NCOR2: variants seen among roughly 807,000 people sequenced by gnomAD.
NCOR2 encodes nuclear receptor corepressor 2.
In NCOR2, 81 loss-of-function variants were observed where a neutral mutation model predicts 262.9. The ratio of observed to expected loss-of-function variants is 0.31; its 90% confidence interval spans 0.26 to 0.37. NCOR2 has a LOEUF of 0.37. NCOR2 is among the 10% of genes least tolerant of loss of function. The pLI, the probability that NCOR2 is intolerant of heterozygous loss-of-function variation, is 1.00. For missense variants in NCOR2, 3,385 were observed against 3,621.4 expected (o/e 0.93, Z 1.68); for synonymous variants, 1,659 against 1,559.3 (o/e 1.06, Z -1.51).
chr12:124,360,691 G>A (rs139082280), intron 22 of NCOR2, among the ~76,000 whole-genome samples: 189 of 138,324 alleles, frequency 1.4e-3, no homozygotes, highest in African/African-American at 2.8e-3. Flanking sequence ...CACCCCCGGC[G>A]ACTCCTCACA....
rs555934585 is a variant in NCOR2, at chr12:124,334,034, G to T, written c.6605+390C>A. ...TGTGTGGGTGTGCATGTGTGGAAAGGCTGCTCTCTAATCATACAGCCCTGG... is the reference window on the plus strand; with the variant it reads ...TGTGTGGGTGTGCATGTGTGGAAAGTCTGCTCTCTAATCATACAGCCCTGG... On this transcript the variant is annotated intron_variant, in intron 41 of 46. Transcript: ENST00000405201. 3.3e-5 allele frequency among the ~76,000 whole-genome samples: 5 copies of T among 152,294 alleles called. No individual in the cohort carries two copies. In the South Asian group the frequency reaches 8.3e-4, roughly 25 times the overall value.
At chr12:124,429,220 CTGG>C (rs1182752115) in intron 10 of NCOR2, among the ~76,000 whole-genome samples, 1 of 152,270 alleles carries the variant, frequency 6.6e-6, no homozygotes, top group Non-Finnish European at 1.5e-5. Flanking sequence ...AAGGCTGACC[CTGG>C]AACCCACAGG....
exon 9 of NCOR2, chr12:124,430,757 G>A: frequency 6.2e-7 from 1 of 1,613,520 alleles, no homozygotes; most frequent in Non-Finnish European, 8.5e-7. Context: ...GCCTCCATGA[G>A]CTGGTCATAG....
At chr12:124,514,237 C>G (rs779103003) in intron 1 of NCOR2, 2 of 152,212 alleles carry the variant, frequency 1.3e-5, no homozygotes, top group Non-Finnish European at 1.5e-5. Context: ...GGAGAAGCCA[C>G]CATCTATGAA....
intron 32 of NCOR2, among the ~76,000 whole-genome samples, chr12:124,344,160 G>A (rs2036714344): frequency 6.6e-6 from 1 of 152,218 alleles, no homozygotes; most frequent in South Asian, 2.1e-4. Context: ...CAAAGAGAAA[G>A]AGGGCCCAGG....
chr12:124,517,605 C>G lies in NCOR2; in HGVS notation c.-118+17960G>C, dbSNP rs923228489. Among the ~76,000 whole-genome samples, 8 of 152,178 alleles carry G rather than the reference C, an allele frequency of 5.3e-5. No homozygotes were observed. Among genetic ancestry groups the G allele is most frequent in the Admixed American group, 3.3e-4 (5 of 15,288 alleles). On this transcript the variant is annotated intron_variant, in intron 1 of 46. Transcript: ENST00000404621. This position sits in a 1 kb window ranked among gnomAD's most constrained non-coding sequence, Gnocchi z 7.6. ...ACCGCGGAGCCCCAGGGCAGAGCCTCGGGAGCGCCCACGATCACATGCCCT... is the reference window on the plus strand; with the variant it reads ...ACCGCGGAGCCCCAGGGCAGAGCCTGGGGAGCGCCCACGATCACATGCCCT...
At chr12:124,365,727 C>T (rs1374677693) in intron 20 of NCOR2, among the ~76,000 whole-genome samples, 1 of 151,936 alleles carries the variant, frequency 6.6e-6, no homozygotes, top group Non-Finnish European at 1.5e-5. Flanking sequence ...CTCCTCCCTC[C>T]CCTCCCTCCA....
At chr12:124,409,712 G>A (rs544307757) in intron 13 of NCOR2, among the ~76,000 whole-genome samples, 1 of 152,068 alleles carries the variant, frequency 6.6e-6, no homozygotes, top group East Asian at 1.9e-4. Context: ...GTCTTGCTCT[G>A]TTGCCCAGGC....
chr12:124,414,812 T>C (rs1400476761), intron 13 of NCOR2, among the ~76,000 whole-genome samples: 6 of 151,862 alleles, frequency 4.0e-5, no homozygotes, highest in Non-Finnish European at 4.4e-5. Flanking sequence ...CATGTCACGG[T>C]AGGGGGAAGG....
chr12:124,387,859 G>A (rs1247207010), intron 16 of NCOR2, among the ~76,000 whole-genome samples: 1 of 152,196 alleles, frequency 6.6e-6, no homozygotes, highest in African/African-American at 2.4e-5. Context: ...GGGTGGGAGA[G>A]GGCGAGAGGG....
At chr12:124,356,823 G>A in intron 22 of NCOR2, 41 bp from the exon 25 acceptor site, 1 of 1,436,448 alleles carries the variant, frequency 7.0e-7, no homozygotes, top group Non-Finnish European at 9.1e-7. Flanking sequence ...GCAGGAGGTG[G>A]GGCAGTCAGA....
At position 124,457,248 on chromosome 12, in the gene NCOR2, ACCTGCCCAG is replaced by A. The variant is rs2045926276; in HGVS notation, c.706-95_706-87del. 3 of 1,389,388 alleles carry A rather than the reference ACCTGCCCAG, an allele frequency of 2.2e-6. No homozygotes were observed. Among genetic ancestry groups the A allele is most frequent in the Non-Finnish European group, 2.9e-6 (3 of 1,046,672 alleles). 86.1% of individuals were successfully genotyped at this position (1,389,388 alleles called of 1,614,324 possible). On this transcript the variant is annotated intron_variant, in intron 5 of 46. Transcript: ENST00000405201. This position sits in a 1 kb window ranked among gnomAD's most constrained non-coding sequence, Gnocchi z 4.0. ...ATAGAGGCTTCCCGGAGCAGCGGGC[ACCTGCCCAG>A]CCCAGTCCAGCATGCTGATCCTCAG...
chr12:124,392,421 C>T (rs2041368588), intron 16 of NCOR2, among the ~76,000 whole-genome samples: 1 of 152,206 alleles, frequency 6.6e-6, no homozygotes, highest in African/African-American at 2.4e-5. Context: ...CTCCAGACCA[C>T]ACGTGGTGAC....
intron 1 of NCOR2, among the ~76,000 whole-genome samples, chr12:124,563,911 C>A (rs567985269): frequency 6.6e-6 from 1 of 152,238 alleles, no homozygotes; most frequent in Non-Finnish European, 1.5e-5. Flanking sequence ...TGCACTAACA[C>A]GACCGTGAAT....
Position 124,417,033 on chromosome 12 carries a change from ACTCACTCCT to A in NCOR2, c.1482+2915_1482+2923del, listed in dbSNP as rs1485124517. 2.0e-5 allele frequency among the ~76,000 whole-genome samples: 3 copies of A among 147,882 alleles called. No individual in the cohort carries two copies. The East Asian group carries it at 6.1e-4, about 30-fold the overall frequency. On this transcript the variant is annotated intron_variant, in intron 13 of 46. Transcript: ENST00000405201. ...TCGCTCCGCCCAGAGCAAGCCGGACACTCACTCCTGAGAGCAAGCCGGACACTCACTCCA... is the reference window on the plus strand; with the variant it reads ...TCGCTCCGCCCAGAGCAAGCCGGACAGAGAGCAAGCCGGACACTCACTCCA...
chr12:124,325,157 C>T (rs985599126), exon 47 of NCOR2: 1 of 347,216 alleles, frequency 2.9e-6, no homozygotes, highest in African/African-American at 2.1e-5. Flanking sequence ...CTTCCCCTCC[C>T]TTCCCGAGCA....
At chr12:124,509,165 C>T (rs190974037) in intron 1 of NCOR2, among the ~76,000 whole-genome samples, 2 of 151,380 alleles carry the variant, frequency 1.3e-5, no homozygotes, top group Non-Finnish European at 2.9e-5. Flanking sequence ...AACCACCCCC[C>T]CTGCACCCTC....
At chr12:124,449,054 T>G (rs2045363639) in intron 7 of NCOR2, among the ~76,000 whole-genome samples, 1 of 152,174 alleles carries the variant, frequency 6.6e-6, no homozygotes, top group Non-Finnish European at 1.5e-5. Flanking sequence ...TCCTGGGCAC[T>G]AACATGAGAT....
chr12:124,545,878 C>T (rs1838861969), intron 1 of NCOR2, among the ~76,000 whole-genome samples: 1 of 152,198 alleles, frequency 6.6e-6, no homozygotes. Context: ...AGCAAAGTTC[C>T]ATGCACACAG....
Sources: allele counts gnomAD v4.1 joint callset (sites outside exome capture counted in the v4.1 genomes callset), GRCh38; gene constraint gnomAD v4.1.1; non-coding constraint Gnocchi (gnomAD v3.1); transcripts MANE v1.5; gene names NCBI Gene and HGNC (gene_info 2026-07-23, HGNC 2026-07-21).